COL11A1: variants seen among roughly 807,000 people sequenced by gnomAD.
COL11A1 encodes the protein collagen alpha-1(XI) chain.
Under a neutral mutation model 265.2 loss-of-function variants are expected in COL11A1, and 74 were observed. The observed-to-expected ratio is 0.28, with a 90% confidence interval of 0.23 to 0.34. The LOEUF (loss-of-function observed/expected upper bound fraction) is 0.34, where lower values mean the gene tolerates loss of function less well. COL11A1 is among the 10% of genes least tolerant of loss of function. The probability of loss-of-function intolerance (pLI) is 1.00; values close to 1 mark genes in which losing one functional copy is unlikely to be tolerated. For missense variants in COL11A1, 2,165 were observed against 2,263.6 expected, an observed-to-expected ratio of 0.96 and a Z score of 0.88; for synonymous variants, 816 against 727.6, an observed-to-expected ratio of 1.12 and a Z score of -1.96.
chr1:103,059,078 C>A (rs986780901), intron 4 of COL11A1, among the ~76,000 whole-genome samples: 1 of 152,094 alleles, frequency 6.6e-6, no homozygotes, highest in African/African-American at 2.4e-5. Flanking sequence ...AAGGTTGCCA[C>A]AAACTTTCAA....
At chr1:103,089,995 G>A (rs1040645785) in intron 1 of COL11A1, among the ~76,000 whole-genome samples, 1 of 152,010 alleles carries the variant, frequency 6.6e-6, no homozygotes, top group Non-Finnish European at 1.5e-5. Context: ...ATGGTGGCAT[G>A]CACCTGTAAT....
chr1:103,025,783 T>C, intron 6 of COL11A1, 170 bp from the exon 7 acceptor site: 1 of 1,612,540 alleles, frequency 6.2e-7, no homozygotes, highest in Non-Finnish European at 8.5e-7. Context: ...AGATCTTGAT[T>C]GCTTTTTCTT....
At chr1:103,062,837 G>A (rs1670776869) in intron 4 of COL11A1, among the ~76,000 whole-genome samples, 2 of 151,688 alleles carry the variant, frequency 1.3e-5, no homozygotes, top group African/African-American at 4.8e-5. Context: ...AATTGTCTAG[G>A]TAAAAAATCC....
chr1:103,088,266 C>T (rs543574466), intron 1 of COL11A1, among the ~76,000 whole-genome samples: 1 of 152,272 alleles, frequency 6.6e-6, no homozygotes, highest in South Asian at 2.1e-4. Flanking sequence ...ATCTGTGTGA[C>T]TTGGACAGAT....
chr1:103,108,514 G>A lies in COL11A1; in HGVS notation c.-336C>T, dbSNP rs1674896666. The A allele has an allele frequency of 3.6e-6, 2 of 557,888 alleles. No individual in the cohort carries two copies. The highest frequency in any genetic ancestry group is 3.3e-5 in the Admixed American group (1 of 30,298). The allele number at this position is 557,888 out of a possible 1,614,324, so 34.6% of individuals were successfully genotyped here. A position where few individuals can be genotyped will look rare whatever the true frequency, so the allele number is the denominator to read the frequency against. ...TACTGTGTGCCCCTAAAGGCTTCAT[G>A]CCGTCAGTGGGCTGGACGAGTGGCT... is the stretch of plus-strand genomic sequence containing the variant. On this transcript the variant is annotated 5_prime_UTR_variant, in exon 1 of 67. Coordinates refer to ENST00000370096, the MANE Select transcript of COL11A1 (RefSeq NM_001854.4).
intron 41 of COL11A1, among the ~76,000 whole-genome samples, chr1:102,960,745 G>GA (rs71094585): frequency 0.16 from 23,291 of 149,728 alleles, 1,788 homozygotes; most frequent in Middle Eastern, 0.19. Context: ...GGCATGAAGG[G>GA]AAAAAAAAAG....
At chr1:103,026,136 T>A (rs559391110) in intron 6 of COL11A1, 80 bp downstream of exon 6, 134 of 1,230,118 alleles carry the variant, frequency 1.1e-4, no homozygotes, top group Non-Finnish European at 1.5e-4. Context: ...TTATGGTAAG[T>A]TTGAGGAACA....
chr1:102,929,058 G>T (rs902770605), intron 46 of COL11A1, among the ~76,000 whole-genome samples: 6 of 145,924 alleles, frequency 4.1e-5, no homozygotes, highest in African/African-American at 1.5e-4. Context: ...TCACTCTGAC[G>T]GTAGTTTATT....
At chr1:102,984,900 T>G (rs1301434409) in intron 30 of COL11A1, among the ~76,000 whole-genome samples, 1 of 151,940 alleles carries the variant, frequency 6.6e-6, no homozygotes, top group Non-Finnish European at 1.5e-5. Context: ...AATCTGAAAG[T>G]GCTAAAACAA....
intron 30 of COL11A1, among the ~76,000 whole-genome samples, chr1:102,986,988 A>T (rs1309948748): frequency 6.6e-6 from 1 of 152,000 alleles, no homozygotes; most frequent in Middle Eastern, 3.2e-3. Flanking sequence ...TGGAAAAAAT[A>T]AAAGATGATT....
intron 41 of COL11A1, among the ~76,000 whole-genome samples, chr1:102,959,932 C>G (rs1026306633): frequency 3.3e-5 from 5 of 152,084 alleles, no homozygotes; most frequent in African/African-American, 1.2e-4. Flanking sequence ...CTTAAAACAT[C>G]ATTTATTCCT....
chr1:102,936,443 T>C (rs1658155212), intron 44 of COL11A1, among the ~76,000 whole-genome samples: 1 of 152,244 alleles, frequency 6.6e-6, no homozygotes. Flanking sequence ...AAATAGTAAG[T>C]ATGATTTTGG....
At chr1:103,071,665 C>A (rs1440311629) in intron 4 of COL11A1, among the ~76,000 whole-genome samples, 4 of 150,904 alleles carry the variant, frequency 2.7e-5, no homozygotes, top group Non-Finnish European at 4.4e-5. Context: ...ACAGACGGAC[C>A]CATGAGGACT....
At chr1:102,967,581 C>A (rs369579204) in intron 37 of COL11A1, among the ~76,000 whole-genome samples, 1 of 152,070 alleles carries the variant, frequency 6.6e-6, no homozygotes, top group South Asian at 2.1e-4. Flanking sequence ...AAGTTCTAGC[C>A]AATAGGGGCC....
chr1:102,932,206 G>T (rs991158093), intron 46 of COL11A1, among the ~76,000 whole-genome samples: 4 of 152,014 alleles, frequency 2.6e-5, no homozygotes, highest in Non-Finnish European at 4.4e-5. Context: ...TTTACATTTT[G>T]GCCTGATTTT....
chr1:103,021,791 A>G (rs954965101), intron 8 of COL11A1, 22 bp from the exon 9 acceptor site: 2 of 1,541,160 alleles, frequency 1.3e-6, no homozygotes, highest in Non-Finnish European at 1.8e-6. Context: ...AATATTCAAA[A>G]CAGCCTAAAT....
chr1:103,017,361 G>A (rs914969727), intron 11 of COL11A1, among the ~76,000 whole-genome samples: 39 of 152,054 alleles, frequency 2.6e-4, no homozygotes, highest in African/African-American at 7.7e-4. Flanking sequence ...AGGATGTGGG[G>A]AAAAAAGGGA....
intron 4 of COL11A1, among the ~76,000 whole-genome samples, chr1:103,068,838 A>G (rs1671351388): frequency 6.6e-6 from 1 of 151,386 alleles, no homozygotes; most frequent in African/African-American, 2.4e-5. Flanking sequence ...GCACTAAAAA[A>G]AAATACTTAG....
intron 36 of COL11A1, among the ~76,000 whole-genome samples, chr1:102,973,449 C>T (rs1170193685): frequency 6.6e-6 from 1 of 152,126 alleles, no homozygotes; most frequent in East Asian, 1.9e-4. Flanking sequence ...CCAAGCAGTT[C>T]TCAACAATAC....
Sources: gnomAD v4.1 joint callset for allele counts (sites outside exome capture counted in the v4.1 genomes callset) on GRCh38, gnomAD v4.1.1 for gene constraint, MANE v1.5 for transcripts, NCBI Gene and HGNC (gene_info 2026-07-23, HGNC 2026-07-21) for gene names.